NUP62: variants seen among roughly 807,000 people sequenced by gnomAD.
NUP62 encodes nucleoporin 62, also known as nuclear pore glycoprotein p62.
For missense variants in NUP62, 647 were observed against 689.4 expected, an observed-to-expected ratio of 0.94 and a Z score of 0.69; for synonymous variants, 305 against 303.4, an observed-to-expected ratio of 1.01 and a Z score of -0.05.
chr19:49,913,328 A>G (rs981165458), intron 2 of NUP62, among the ~76,000 whole-genome samples: 21 of 152,158 alleles, frequency 1.4e-4, no homozygotes, highest in Non-Finnish European at 2.8e-4. Context: ...CTCCAGGAGA[A>G]TCTCTATGTT....
At position 49,908,312 on chromosome 19, in the gene NUP62, A is replaced by G. The variant is rs768832378; in HGVS notation, c.1496T>C (p.Val499Ala). 4.3e-6 allele frequency: 7 copies of G among 1,613,542 alleles called. No homozygotes were observed. Among genetic ancestry groups the G allele is most frequent in the Middle Eastern group, 1.6e-4 (1 of 6,084 alleles). ...DQNSALLQRK[V>A]EEVTKVCEGR... The stretch of plus-strand genomic sequence containing the variant: ...CTCGCACACCTTGGTCACCTCCTCC[A>G]CCTTCCTCTGCAGCAGGGCCGAGTT... Residue 499 changes from valine to alanine, a missense_variant, in exon 3 of 3, where the codon GTG (valine) becomes GCG (alanine). Val to Ala is a moderately conservative substitution (Grantham distance 64). Transcript: ENST00000352066.
In NUP62 at chr19:49,910,400, C is replaced by T. The variant is rs188770627; in HGVS notation, c.-77-516G>A. On this transcript the variant is annotated intron_variant, in intron 2 of 2. Transcript: ENST00000352066. ...GCAGGGTCTGGGTTGCTGAAGGCCCCCCAGGCCCACACCTGCACTCTCTAA... is the reference window on the plus strand; with the variant it reads ...GCAGGGTCTGGGTTGCTGAAGGCCCTCCAGGCCCACACCTGCACTCTCTAA... 1.9e-3 allele frequency among the ~76,000 whole-genome samples: 294 copies of T among 152,202 alleles called. 2 individuals are homozygous for T. The highest frequency in any genetic ancestry group is 3.1e-3 in the South Asian group (15 of 4,816).
intron 2 of NUP62, among the ~76,000 whole-genome samples, chr19:49,918,784 A>G (rs976111535): frequency 2.0e-5 from 3 of 151,762 alleles, no homozygotes; most frequent in Admixed American, 1.3e-4. Context: ...CTCACTACCC[A>G]GGAGGCCGCA....
At chr19:49,926,472 G>A (rs900463331) in intron 2 of NUP62, among the ~76,000 whole-genome samples, 1 of 152,108 alleles carries the variant, frequency 6.6e-6, no homozygotes, top group Non-Finnish European at 1.5e-5. Context: ...GGAGGTTGAA[G>A]TGAGCCAAGA....
intron 2 of NUP62, among the ~76,000 whole-genome samples, chr19:49,920,836 C>T (rs763016275): frequency 1.1e-4 from 17 of 152,114 alleles, no homozygotes; most frequent in African/African-American, 3.9e-4. Context: ...GCGTGTGTGG[C>T]GGGGGAGGAA....
chr19:49,924,880 G>A (rs975011500), intron 2 of NUP62, among the ~76,000 whole-genome samples: 3 of 152,206 alleles, frequency 2.0e-5, no homozygotes, highest in Admixed American at 6.5e-5. Flanking sequence ...GGGAGGGGAA[G>A]CAGAGTCCCT....
intron 2 of NUP62, among the ~76,000 whole-genome samples, chr19:49,912,739 G>A (rs956666348): frequency 5.4e-5 from 8 of 148,796 alleles, no homozygotes; most frequent in Non-Finnish European, 7.4e-5. Context: ...GGTGGCAGGC[G>A]CCTGTAGTCG....
Position 49,908,915 on chromosome 19 carries a change from G to C in NUP62, c.893C>G (p.Ala298Gly). ...TGTATTGCTGGGGATCCCGGCTGGC[G>C]CCAGTGGTTTTAAATTCAAGGCAAA... ...TGFALNLKPL[A>G]PAGIPSNTAA... The change falls in exon 3 of 3, where the codon GCG becomes GGG. Residue 298 changes from alanine (A) to glycine (G), a missense_variant. Transcript: ENST00000352066. 1 of 1,607,594 alleles carries C rather than the reference G, an allele frequency of 6.2e-7. No individual in the cohort carries two copies. The highest frequency in any genetic ancestry group is 1.3e-5 in the African/African-American group (1 of 74,930).
Position 49,907,633 on chromosome 19 carries a change from A to T in NUP62, c.*606T>A. 2.6e-6 allele frequency: 1 copy of T among 388,332 alleles called. No homozygotes were observed. 24.1% of individuals were successfully genotyped at this position (388,332 alleles called of 1,614,324 possible). A position where few individuals can be genotyped will look rare whatever the true frequency, so the allele number is the denominator to read the frequency against. ...TTCACTGCAACACCTCCTGGGTTCA[A>T]GTGATTCTCCTGCCTCAGCCTCCCG... On this transcript the variant is annotated 3_prime_UTR_variant, in exon 3 of 3. Coordinates refer to ENST00000352066, the MANE Select transcript of NUP62 (RefSeq NM_016553.5).
Position 49,907,996 on chromosome 19 carries a change from G to A in NUP62, c.*243C>T. ...TGGGTGGTCGCAGTAGGTGAAAAGG[G>A]GCCAAAGATACTCAAATGAAAGCCA... On this transcript the variant is annotated 3_prime_UTR_variant, in exon 3 of 3. Transcript: ENST00000352066. The A allele has an allele frequency of 1.3e-6, 1 of 763,400 alleles. No homozygotes were observed. The highest frequency in any genetic ancestry group is 2.0e-6 in the Non-Finnish European group (1 of 493,376). 47.3% of individuals were successfully genotyped at this position (763,400 alleles called of 1,614,324 possible). A position where few individuals can be genotyped will look rare whatever the true frequency, so the allele number is the denominator to read the frequency against.
intron 2 of NUP62, chr19:49,912,845 AAC>A (rs1246612488): frequency 6.6e-6 from 1 of 152,340 alleles, no homozygotes; most frequent in African/African-American, 2.4e-5. Context: ...CAGCCTGGGC[AAC>A]AGAGTGAGAC....
Position 49,908,050 on chromosome 19 carries a change from T to G in NUP62, c.*189A>C, listed in dbSNP as rs953798627. 5 of 1,301,084 alleles carry G rather than the reference T, an allele frequency of 3.8e-6. No homozygotes were observed. Among genetic ancestry groups the G allele is most frequent in the Non-Finnish European group, 5.1e-6 (5 of 976,196 alleles). 80.6% of individuals were successfully genotyped at this position (1,301,084 alleles called of 1,614,324 possible). A position where few individuals can be genotyped will look rare whatever the true frequency, so the allele number is the denominator to read the frequency against. ...AAGCCACACCCATGAGGCTGCTGCCTGGGCAGAAGGCCCAGAATACCCTCC... is the reference window on the plus strand; with the variant it reads ...AAGCCACACCCATGAGGCTGCTGCCGGGGCAGAAGGCCCAGAATACCCTCC... On this transcript the variant is annotated 3_prime_UTR_variant, in exon 3 of 3. Transcript: ENST00000352066.
intron 2 of NUP62, among the ~76,000 whole-genome samples, chr19:49,920,721 G>C (rs1379167625): frequency 1.3e-5 from 2 of 152,220 alleles, no homozygotes; most frequent in African/African-American, 4.8e-5. Flanking sequence ...GGCTGGGGAA[G>C]AGCCTAGAGC....
In NUP62 at chr19:49,907,344, G is replaced by T; in HGVS notation, c.*895C>A. The stretch of plus-strand genomic sequence containing the variant: ...TGAGCCTGGGCCAGGCAAAAGGCAG[G>T]CCTCTCGGCGCCCATCTGTGGTTCC... On this transcript the variant is annotated 3_prime_UTR_variant, in exon 3 of 3. Transcript: ENST00000352066. The T allele has an allele frequency of 3.2e-6, 1 of 313,148 alleles. No homozygotes were observed. Among genetic ancestry groups the T allele is most frequent in the Non-Finnish European group, 6.2e-6 (1 of 162,008 alleles). The allele number at this position is 313,148 out of a possible 1,614,324, so 19.4% of individuals were successfully genotyped here.
intron 2 of NUP62, among the ~76,000 whole-genome samples, chr19:49,925,721 G>A (rs1435482029): frequency 6.6e-6 from 1 of 152,188 alleles, no homozygotes; most frequent in Non-Finnish European, 1.5e-5. Flanking sequence ...TCAGCATCAA[G>A]TGTGGTCAGA....
At chr19:49,916,142 A>C (rs1299491) in intron 2 of NUP62, among the ~76,000 whole-genome samples, 106,520 of 152,040 alleles carry the variant, frequency 0.7, 37,506 homozygotes, top group East Asian at 0.91. Context: ...CAAACAGCAG[A>C]CCCATGATGG....
chr19:49,917,776 A>T (rs1407390697), intron 2 of NUP62: 1 of 152,278 alleles, frequency 6.6e-6, no homozygotes. Flanking sequence ...CGCGCCTGTA[A>T]TCCCAGTACT....
At chr19:49,910,713 G>T (rs1484772928) in intron 2 of NUP62, among the ~76,000 whole-genome samples, 1 of 148,548 alleles carries the variant, frequency 6.7e-6, no homozygotes, top group Non-Finnish European at 1.5e-5. Context: ...CACCAGAGAT[G>T]GGTGGGGGTG....
At chr19:49,928,202 G>A (rs1348228567) in intron 1 of NUP62, 1 of 152,176 alleles carries the variant, frequency 6.6e-6, no homozygotes, top group African/African-American at 2.4e-5. Flanking sequence ...AAATGAGACT[G>A]GGCCCCAGAG....
Sources: gnomAD v4.1 joint callset for allele counts (sites outside exome capture counted in the v4.1 genomes callset) on GRCh38, gnomAD v4.1.1 for gene constraint, MANE v1.5 for transcripts, NCBI Gene and HGNC (gene_info 2026-07-23, HGNC 2026-07-21) for gene names.